Variants in CALN1 observed in about 807,000 individuals in gnomAD.
CALN1 encodes the protein calneuron 1, also known as calcium-binding protein 8.
In CALN1, 17 loss-of-function variants were observed where a neutral mutation model predicts 30.6. The ratio of observed to expected loss-of-function variants is 0.56; its 90% CI spans 0.38 to 0.83. CALN1 has a LOEUF of 0.83. Ranked by LOEUF, CALN1 falls within the 40% of genes least tolerant of loss-of-function variation. The pLI, the probability that CALN1 is intolerant of heterozygous loss-of-function variation, is 0.00. For synonymous variants in CALN1, 156 were observed against 131.4 expected (o/e 1.19, Z -1.28); for missense variants, 291 against 354.9 (o/e 0.82, Z 1.45).
Position 71,780,727 on chromosome 7 carries a change from T to C in CALN1, c.*7048A>G, listed in dbSNP as rs1792673468. 1 of 151,394 alleles carries C rather than the reference T, an allele frequency of 6.6e-6. No homozygotes were observed. Among genetic ancestry groups the C allele is most frequent in the African/African-American group, 2.4e-5 (1 of 41,262 alleles). The allele number at this position is 151,394 out of a possible 1,614,324, so 9.4% of individuals were successfully genotyped here. ...AAAAAAAAGCAAAGAAAGAAATAACTGGAAATTGTGCTCTTTATTCAGTAG... is the reference window on the plus strand; with the variant it reads ...AAAAAAAAGCAAAGAAAGAAATAACCGGAAATTGTGCTCTTTATTCAGTAG... On this transcript the variant is annotated 3_prime_UTR_variant, in exon 7 of 7. Coordinates refer to ENST00000395275, the MANE Select transcript of CALN1 (RefSeq NM_031468.4).
intron 3 of CALN1, among the ~76,000 whole-genome samples, chr7:72,164,171 C>A (rs902447555): frequency 1.3e-5 from 2 of 151,946 alleles, no homozygotes; most frequent in South Asian, 4.1e-4. Flanking sequence ...AGTTCAAGAC[C>A]AGCTTGGCCA....
intron 2 of CALN1, chr7:72,337,352 A>G: frequency 1.1e-6 from 1 of 936,778 alleles, no homozygotes; most frequent in Non-Finnish European, 1.3e-6. Context: ...CCGCCTCTCC[A>G]ATGGCTCCCT....
At chr7:72,021,410 A>G (rs1011566966) in intron 5 of CALN1, among the ~76,000 whole-genome samples, 1 of 152,114 alleles carries the variant, frequency 6.6e-6, no homozygotes, top group Non-Finnish European at 1.5e-5. Flanking sequence ...GGGTCAAAAG[A>G]TGGCCAGATG....
chr7:72,079,630 TG>T (rs758354985), intron 4 of CALN1, among the ~76,000 whole-genome samples: 2 of 152,258 alleles, frequency 1.3e-5, no homozygotes, highest in South Asian at 2.1e-4. Flanking sequence ...CCTACATTTC[TG>T]GGTCACCATG....
intron 2 of CALN1, among the ~76,000 whole-genome samples, chr7:72,306,567 T>A (rs2129556034): frequency 1.3e-5 from 2 of 152,070 alleles, no homozygotes; most frequent in African/African-American, 4.8e-5. Flanking sequence ...TGTACTTTCC[T>A]TCTTTTCTTT....
the CALN1 span, among the ~76,000 whole-genome samples, chr7:72,483,268 C>CT: frequency 1.9e-5 from 2 of 103,378 alleles, no homozygotes; most frequent in African/African-American, 5.9e-5. Context: ...GGTTTTTTTC[C>CT]TTTTTCTTTT....
chr7:72,096,042 A>AAGATAGATAGAT (rs10664390), intron 4 of CALN1, among the ~76,000 whole-genome samples: 341 of 143,184 alleles, frequency 2.4e-3, no homozygotes, highest in Middle Eastern at 6.9e-3. Flanking sequence ...TTGTCTCTAA[A>AAGATAGATAGAT]AGATAGATAG....
chr7:72,470,080 C>G, the CALN1 span, among the ~76,000 whole-genome samples: 1 of 152,176 alleles, frequency 6.6e-6, no homozygotes, highest in Non-Finnish European at 1.5e-5. Context: ...AAACATGTGA[C>G]TGAACCATTT....
intron 3 of CALN1, among the ~76,000 whole-genome samples, chr7:72,171,226 T>C (rs930626968): frequency 1.3e-5 from 2 of 152,146 alleles, no homozygotes; most frequent in African/African-American, 4.8e-5. Flanking sequence ...TTTTCACGCC[T>C]AAAAGATAAG....
the CALN1 span, among the ~76,000 whole-genome samples, chr7:72,462,762 G>C: frequency 1.3e-5 from 2 of 152,140 alleles, no homozygotes; most frequent in East Asian, 3.9e-4. Flanking sequence ...TGTGGAAGAG[G>C]AGAGATTTAC....
At chr7:72,300,384 G>T (rs1167792426) in intron 2 of CALN1, among the ~76,000 whole-genome samples, 1 of 151,204 alleles carries the variant, frequency 6.6e-6, no homozygotes, top group Non-Finnish European at 1.5e-5. Flanking sequence ...ATCAAGAAAA[G>T]GCACTGCGTT....
chr7:71,967,412 T>G (rs6968406), intron 5 of CALN1, among the ~76,000 whole-genome samples: 25,179 of 151,898 alleles, frequency 0.17, 2,949 homozygotes, highest in East Asian at 0.38. Flanking sequence ...AGGATGGCTT[T>G]AACTCAGGAG....
intron 4 of CALN1, among the ~76,000 whole-genome samples, chr7:72,081,413 G>GTA: frequency 7.0e-6 from 1 of 142,526 alleles, no homozygotes; most frequent in Non-Finnish European, 1.5e-5. Flanking sequence ...TAGGGTGTGT[G>GTA]TGTGTGTGTG....
chr7:72,316,687 G>T (rs1162767009), intron 2 of CALN1, among the ~76,000 whole-genome samples: 1 of 152,108 alleles, frequency 6.6e-6, no homozygotes, highest in African/African-American at 2.4e-5. Flanking sequence ...TGAAACCCCA[G>T]CATTTTGGGA....
chr7:71,870,776 A>T (rs17144059), intron 5 of CALN1, among the ~76,000 whole-genome samples: 37,486 of 152,130 alleles, frequency 0.25, 4,965 homozygotes, highest in African/African-American at 0.32. Flanking sequence ...GAAGCATAAA[A>T]TGTGGTTAAG....
At chr7:72,454,855 G>C in the CALN1 span, among the ~76,000 whole-genome samples, 1 of 150,692 alleles carries the variant, frequency 6.6e-6, no homozygotes, top group Non-Finnish European at 1.5e-5. Context: ...TTTTGAGATG[G>C]AGTTTCGCTC....
At chr7:71,963,557 G>C (rs751675718) in intron 5 of CALN1, among the ~76,000 whole-genome samples, 1 of 150,604 alleles carries the variant, frequency 6.6e-6, no homozygotes, top group Non-Finnish European at 1.5e-5. Context: ...CGCCCACCTT[G>C]GCCTCCCAAA....
chr7:72,252,232 T>A (rs1795610289), intron 3 of CALN1, among the ~76,000 whole-genome samples: 1 of 152,058 alleles, frequency 6.6e-6, no homozygotes, highest in Non-Finnish European at 1.5e-5. Flanking sequence ...CTCCCTCACT[T>A]CTTTCTTCCT....
At chr7:71,931,502 A>G (rs1795549285) in intron 5 of CALN1, among the ~76,000 whole-genome samples, 1 of 152,218 alleles carries the variant, frequency 6.6e-6, no homozygotes, top group Non-Finnish European at 1.5e-5. Flanking sequence ...CCTGAGCTCA[A>G]GTGATCGGCC....
Sources: allele counts gnomAD v4.1 joint callset (sites outside exome capture counted in the v4.1 genomes callset), GRCh38; gene constraint gnomAD v4.1.1; transcripts MANE v1.5; gene names NCBI Gene and HGNC (gene_info 2026-07-23, HGNC 2026-07-21).